PDZD2: variants seen among roughly 807,000 people sequenced by gnomAD.
PDZD2 encodes the protein PDZ domain-containing protein 2.
A neutral mutation model predicts 220.7 loss-of-function variants in PDZD2; 90 were observed. The ratio of observed to expected loss-of-function variants is 0.41; its 90% CI spans 0.34 to 0.49. The LOEUF (loss-of-function observed/expected upper bound fraction) is 0.49, where lower values mean the gene tolerates loss of function less well. Ranked by LOEUF, PDZD2 falls within the 20% of genes least tolerant of loss-of-function variation. The pLI is 0.28. For synonymous variants in PDZD2, 1,375 were observed against 1,450.5 expected (o/e 0.95, Z 1.18); for missense variants, 3,174 against 3,608.5 (o/e 0.88, Z 3.08).
chr5:31,999,114 A>C (rs1203109679), intron 4 of PDZD2, among the ~76,000 whole-genome samples: 1 of 152,260 alleles, frequency 6.6e-6, no homozygotes, highest in Non-Finnish European at 1.5e-5. Context: ...ATGGGAAGAA[A>C]GTTGAGTCAG....
intron 10 of PDZD2, 25 bp downstream of exon 10, chr5:32,053,908 C>T: frequency 8.1e-7 from 1 of 1,229,530 alleles, no homozygotes; most frequent in South Asian, 1.2e-5. Context: ...CTTGTATCCT[C>T]AGTGACAGTG....
At chr5:31,933,622 C>T (rs1745487393) in intron 2 of PDZD2, among the ~76,000 whole-genome samples, 1 of 152,176 alleles carries the variant, frequency 6.6e-6, no homozygotes. Flanking sequence ...AGATCCACAC[C>T]TTGTCCCCTT....
rs138013738 is a variant in PDZD2 at position 31,753,194 on chromosome 5, T to C, written c.-360-45695T>C. 3.4e-3 allele frequency among the ~76,000 whole-genome samples: 521 copies of C among 152,286 alleles called. 2 individuals carry two copies. Among genetic ancestry groups the C allele is most frequent in the African/African-American group, 0.012 (504 of 41,556 alleles). On this transcript the variant is annotated intron_variant, in intron 1 of 24. Transcript: ENST00000438447. ...AAGAAAAATTTTTATAGAGGTACCA[T>C]TGTAAGACAGATTTCACTTTCTTCA...
At chr5:32,085,285 A>G (rs1742335789) in intron 19 of PDZD2, among the ~76,000 whole-genome samples, 1 of 144,678 alleles carries the variant, frequency 6.9e-6, no homozygotes, top group African/African-American at 2.8e-5. Flanking sequence ...ACATAATTGT[A>G]CATACTTATG....
chr5:31,649,909 GC>G (rs1301558794), intron 1 of PDZD2, among the ~76,000 whole-genome samples: 1 of 119,512 alleles, frequency 8.4e-6, no homozygotes, highest in African/African-American at 3.2e-5. Context: ...CTGCACTCCA[GC>G]CTGGGCGACA....
intron 2 of PDZD2, among the ~76,000 whole-genome samples, chr5:31,871,926 A>G (rs1266885406): frequency 6.6e-6 from 1 of 152,090 alleles, no homozygotes; most frequent in Admixed American, 6.6e-5. Context: ...CCTGGGCTCA[A>G]GTTATCAACC....
intron 14 of PDZD2, among the ~76,000 whole-genome samples, chr5:32,061,689 G>T (rs1739702446): frequency 6.6e-6 from 1 of 152,158 alleles, no homozygotes; most frequent in African/African-American, 2.4e-5. Flanking sequence ...GAAGCAGGAG[G>T]ATCACTTGAG....
At chr5:31,775,705 GTA>G (rs1491235720) in intron 1 of PDZD2, among the ~76,000 whole-genome samples, 8 of 149,252 alleles carry the variant, frequency 5.4e-5, no homozygotes, top group African/African-American at 1.7e-4. Flanking sequence ...GTGTGTGTGT[GTA>G]GTCATCTCCC....
chr5:31,648,754 G>A (rs944328398), intron 1 of PDZD2, among the ~76,000 whole-genome samples: 4 of 151,356 alleles, frequency 2.6e-5, no homozygotes, highest in South Asian at 4.2e-4. Flanking sequence ...TATACCTCTT[G>A]CCCCTACACA....
chr5:31,671,126 T>C (rs1454121608), intron 1 of PDZD2, among the ~76,000 whole-genome samples: 8 of 152,124 alleles, frequency 5.3e-5, no homozygotes, highest in African/African-American at 1.4e-4. Context: ...CTACAATCCA[T>C]TCCTACTCTC....
At chr5:31,878,118 A>G (rs1487414524) in intron 2 of PDZD2, among the ~76,000 whole-genome samples, 1 of 152,168 alleles carries the variant, frequency 6.6e-6, no homozygotes, top group Non-Finnish European at 1.5e-5. Flanking sequence ...ACAAGGAGAA[A>G]AATACCATGA....
At chr5:31,929,791 T>G (rs530749161) in intron 2 of PDZD2, among the ~76,000 whole-genome samples, 1 of 151,994 alleles carries the variant, frequency 6.6e-6, no homozygotes, top group East Asian at 1.9e-4. Flanking sequence ...TATCTGTGGG[T>G]TTCATGATGC....
At chr5:31,929,678 C>T (rs146618083) in intron 2 of PDZD2, among the ~76,000 whole-genome samples, 14 of 152,214 alleles carry the variant, frequency 9.2e-5, no homozygotes, top group South Asian at 6.2e-4. Flanking sequence ...AGTGAAACCC[C>T]GTCTCTACAG....
chr5:31,756,366 C>T (rs1751308144), intron 1 of PDZD2, among the ~76,000 whole-genome samples: 1 of 152,212 alleles, frequency 6.6e-6, no homozygotes, highest in Admixed American at 6.5e-5. Context: ...TTGTTCAGCA[C>T]CACATTCCCA....
intron 2 of PDZD2, among the ~76,000 whole-genome samples, chr5:31,821,027 T>C (rs1248688338): frequency 2.0e-5 from 3 of 152,082 alleles, no homozygotes; most frequent in African/African-American, 7.2e-5. Context: ...ATTTAAATAT[T>C]ATAGATCTTA....
intron 6 of PDZD2, among the ~76,000 whole-genome samples, chr5:32,016,641 C>T (rs1753809962): frequency 6.6e-6 from 1 of 152,162 alleles, no homozygotes; most frequent in Non-Finnish European, 1.5e-5. Context: ...GGGCTGAGCT[C>T]ACAGTCTCTC....
At chr5:31,722,129 G>A (rs926852185) in intron 1 of PDZD2, among the ~76,000 whole-genome samples, 4 of 152,154 alleles carry the variant, frequency 2.6e-5, no homozygotes, top group Non-Finnish European at 5.9e-5. Context: ...CTTTTCTCTA[G>A]ACCGTTCTCA....
Position 32,110,842 on chromosome 5 carries a change from ATGT to A in PDZD2, c.*2711_*2713del, listed in dbSNP as rs953706606. 2.0e-5 allele frequency: 3 copies of A among 152,646 alleles called. No individual in the cohort carries two copies. The highest frequency in any genetic ancestry group is 3.9e-4 in the East Asian group (2 of 5,190). The allele number at this position is 152,646 out of a possible 1,614,324, so 9.5% of individuals were successfully genotyped here. The stretch of plus-strand genomic sequence containing the variant: ...ATGAAATAGCCTGTACATTTTAAAA[ATGT>A]TGTCACCAAGTTATATAAATCCACA... On this transcript the variant is annotated 3_prime_UTR_variant, in exon 25 of 25. Coordinates refer to ENST00000438447, the MANE Select transcript of PDZD2 (RefSeq NM_178140.4).
chr5:32,088,480 A>C lies in PDZD2; in HGVS notation c.5032A>C (p.Thr1678Pro), dbSNP rs748360013. Residue 1678 changes from threonine to proline, a missense_variant, in exon 20 of 25, where the codon ACT becomes CCT. Transcript: ENST00000438447. The surrounding 1 kb of genome is among the most constrained non-coding windows in gnomAD (Gnocchi z 4.6). ...LLEMSSQEHE[T>P]HADISTSQNH... ...GGAGATGAGCTCTCAGGAGCATGAA[A>C]CTCATGCGGACATAAGCACTTCACA... 6.2e-7 allele frequency: 1 copy of C among 1,614,002 alleles called. No homozygotes were observed. Among genetic ancestry groups the C allele is most frequent in the South Asian group, 1.1e-5 (1 of 91,072 alleles).
Sources: gnomAD v4.1 joint callset for allele counts (sites outside exome capture counted in the v4.1 genomes callset) on GRCh38, gnomAD v4.1.1 for gene constraint, Gnocchi (gnomAD v3.1) non-coding constraint, MANE v1.5 for transcripts, NCBI Gene and HGNC (gene_info 2026-07-23, HGNC 2026-07-21) for gene names.